ST6GALNAC3: variants seen among roughly 807,000 people sequenced by gnomAD.
ST6GALNAC3 encodes alpha-N-acetylgalactosaminide alpha-2,6-sialyltransferase 3.
A neutral mutation model predicts 32.7 loss-of-function variants in ST6GALNAC3; 25 were observed. The ratio of observed to expected loss-of-function variants is 0.76; its 90% CI spans 0.56 to 1.07. ST6GALNAC3 has a LOEUF of 1.07. Among genes scored for constraint, ST6GALNAC3 ranks in the 50% least tolerant of loss-of-function variants. The pLI, the probability that ST6GALNAC3 is intolerant of heterozygous loss-of-function variation, is 0.00. For synonymous variants in ST6GALNAC3, 129 were observed against 133.1 expected (o/e 0.97, Z 0.21); for missense variants, 355 against 382.4 (o/e 0.93, Z 0.60).
At chr1:76,416,786 C>T (rs983990172) in intron 3 of ST6GALNAC3, among the ~76,000 whole-genome samples, 1 of 151,878 alleles carries the variant, frequency 6.6e-6, no homozygotes, top group African/African-American at 2.4e-5. Context: ...CACCACCATG[C>T]CTGGCTAATT....
intron 3 of ST6GALNAC3, among the ~76,000 whole-genome samples, chr1:76,572,583 A>G (rs1646721264): frequency 6.6e-6 from 1 of 152,098 alleles, no homozygotes. Flanking sequence ...CCAGATGCAC[A>G]CAGTTAGCTA....
At chr1:76,550,523 T>C (rs1664558390) in intron 3 of ST6GALNAC3, among the ~76,000 whole-genome samples, 1 of 152,170 alleles carries the variant, frequency 6.6e-6, no homozygotes, top group Non-Finnish European at 1.5e-5. Context: ...ATGACAGTAC[T>C]ACTCCTTGAT....
At chr1:76,169,892 T>G (rs752358064) in intron 1 of ST6GALNAC3, among the ~76,000 whole-genome samples, 6 of 152,204 alleles carry the variant, frequency 3.9e-5, no homozygotes, top group African/African-American at 7.2e-5. Flanking sequence ...GGAGAGGTGA[T>G]GCAGTCATTT....
At chr1:76,255,408 A>G (rs566267285) in intron 1 of ST6GALNAC3, among the ~76,000 whole-genome samples, 1 of 152,216 alleles carries the variant, frequency 6.6e-6, no homozygotes, top group Admixed American at 6.5e-5. Flanking sequence ...TTGTGTTACT[A>G]TATATGCTGT....
At chr1:76,518,779 T>C (rs1435499961) in intron 3 of ST6GALNAC3, among the ~76,000 whole-genome samples, 1 of 152,252 alleles carries the variant, frequency 6.6e-6, no homozygotes, top group African/African-American at 2.4e-5. Flanking sequence ...TAAAGTGTCA[T>C]TTAGTGGGGG....
chr1:76,379,621 A>G (rs1293785790), intron 2 of ST6GALNAC3, among the ~76,000 whole-genome samples: 1 of 152,102 alleles, frequency 6.6e-6, no homozygotes, highest in Non-Finnish European at 1.5e-5. Context: ...AAGAGCTGGG[A>G]GGCAGCTCTT....
At chr1:76,409,756 A>G (rs1654086760) in intron 2 of ST6GALNAC3, among the ~76,000 whole-genome samples, 1 of 152,162 alleles carries the variant, frequency 6.6e-6, no homozygotes, top group Non-Finnish European at 1.5e-5. Flanking sequence ...TAATATCTAT[A>G]GAAAGGAAAA....
At chr1:76,429,745 C>T (rs1364767622) in intron 3 of ST6GALNAC3, among the ~76,000 whole-genome samples, 2 of 152,058 alleles carry the variant, frequency 1.3e-5, no homozygotes, top group African/African-American at 2.4e-5. Context: ...GACTCTTGGC[C>T]GCTCTCATCA....
intron 1 of ST6GALNAC3, among the ~76,000 whole-genome samples, chr1:76,108,860 TAGTGTGTG>T (rs745471299): frequency 1.3e-4 from 12 of 92,820 alleles, no homozygotes; most frequent in Middle Eastern, 5.5e-3. Flanking sequence ...TCTGTAGACA[TAGTGTGTG>T]TGTGTGTGTG....
intron 3 of ST6GALNAC3, among the ~76,000 whole-genome samples, chr1:76,433,314 A>G (rs1374977747): frequency 2.0e-5 from 3 of 152,104 alleles, no homozygotes; most frequent in Non-Finnish European, 4.4e-5. Flanking sequence ...TAAGAAAAAA[A>G]GAGATTTTTT....
intron 1 of ST6GALNAC3, among the ~76,000 whole-genome samples, chr1:76,198,935 C>T (rs570243304): frequency 2.4e-4 from 36 of 152,114 alleles, no homozygotes; most frequent in East Asian, 1.4e-3. Context: ...GACTAAGAGC[C>T]GGTCCTGGGT....
chr1:76,296,164 C>T (rs1285401613), intron 1 of ST6GALNAC3, among the ~76,000 whole-genome samples: 1 of 152,026 alleles, frequency 6.6e-6, no homozygotes, highest in Non-Finnish European at 1.5e-5. Context: ...TGAGTCAAAA[C>T]TGGTTTCTTT....
At chr1:76,175,825 T>C (rs1468291435) in intron 1 of ST6GALNAC3, among the ~76,000 whole-genome samples, 1 of 152,214 alleles carries the variant, frequency 6.6e-6, no homozygotes, top group Admixed American at 6.5e-5. Flanking sequence ...GAAGTCATTT[T>C]TGTGTGGTCT....
At chr1:76,211,199 T>C (rs1655137245) in intron 1 of ST6GALNAC3, among the ~76,000 whole-genome samples, 1 of 152,180 alleles carries the variant, frequency 6.6e-6, no homozygotes, top group South Asian at 2.1e-4. Context: ...TCATCATCAC[T>C]GGCCATCAGA....
At position 76,308,567 on chromosome 1, in the gene ST6GALNAC3, C is replaced by T. The variant is rs117202395; in HGVS notation, c.19-5238C>T. The stretch of plus-strand genomic sequence containing the variant: ...TCACTTCCATAAATAAATCATTAGA[C>T]GTAGAACACATGTGTAAACAGGTAG... On this transcript the variant is annotated intron_variant, in intron 1 of 4. Transcript: ENST00000328299. 2.4e-4 allele frequency among the ~76,000 whole-genome samples: 37 copies of T among 152,200 alleles called. No individual in the cohort carries two copies. In the East Asian group the frequency reaches 5.4e-3, roughly 22 times the overall value.
At chr1:76,578,782 G>A (rs1178492911) in intron 3 of ST6GALNAC3, among the ~76,000 whole-genome samples, 1 of 151,920 alleles carries the variant, frequency 6.6e-6, no homozygotes, top group African/African-American at 2.4e-5. Context: ...AATCTGATAC[G>A]TGTTTTTGTG....
chr1:76,569,379 C>G (rs1665733812), intron 3 of ST6GALNAC3, among the ~76,000 whole-genome samples: 1 of 152,106 alleles, frequency 6.6e-6, no homozygotes, highest in Non-Finnish European at 1.5e-5. Context: ...ACTTATTTAA[C>G]TAAGTACAGG....
chr1:76,576,590 T>C (rs1646811894), intron 3 of ST6GALNAC3, among the ~76,000 whole-genome samples: 1 of 151,984 alleles, frequency 6.6e-6, no homozygotes, highest in South Asian at 2.1e-4. Context: ...TGTGCAAATT[T>C]CTCTGGCTTA....
intron 3 of ST6GALNAC3, among the ~76,000 whole-genome samples, chr1:76,554,190 G>A (rs1198699122): frequency 6.6e-6 from 1 of 152,110 alleles, no homozygotes; most frequent in Non-Finnish European, 1.5e-5. Context: ...GTAATAAACA[G>A]AAGAAAACAG....
Sources: gnomAD v4.1 joint callset for allele counts (sites outside exome capture counted in the v4.1 genomes callset) on GRCh38, gnomAD v4.1.1 for gene constraint, MANE v1.5 for transcripts, NCBI Gene and HGNC (gene_info 2026-07-23, HGNC 2026-07-21) for gene names.